PRDM16: variants seen among roughly 807,000 people sequenced by gnomAD.
The protein encoded by PRDM16 is histone-lysine N-methyltransferase PRDM16.
A neutral mutation model predicts 110.6 loss-of-function variants in PRDM16; 23 were observed. The observed-to-expected ratio is 0.21, with a 90% CI of 0.15 to 0.29. The LOEUF is 0.29. Ranked by LOEUF, PRDM16 falls within the 10% of genes least tolerant of loss-of-function variation. The pLI is 1.00. For synonymous variants in PRDM16, 799 were observed against 781.8 expected (o/e 1.02, Z -0.37); for missense variants, 1,615 against 1,794.3 (o/e 0.90, Z 1.81).
chr1:3,218,291 G>GA (rs765871711), intron 2 of PRDM16, among the ~76,000 whole-genome samples: 1 of 152,200 alleles, frequency 6.6e-6, no homozygotes, highest in African/African-American at 2.4e-5. Context: ...AAGACATCAA[G>GA]AAAAAACCCA....
intron 1 of PRDM16, among the ~76,000 whole-genome samples, chr1:3,111,836 G>C (rs1479958483): frequency 2.0e-5 from 3 of 152,224 alleles, no homozygotes; most frequent in Admixed American, 1.3e-4. Flanking sequence ...TCACTGGACA[G>C]CGCCACGATA....
intron 2 of PRDM16, among the ~76,000 whole-genome samples, chr1:3,202,189 T>C (rs1249472746): frequency 2.0e-5 from 3 of 152,156 alleles, no homozygotes; most frequent in Non-Finnish European, 4.4e-5. Context: ...ACTTTCATCA[T>C]CTTGGCATTA....
rs1261072967 is a variant in PRDM16, at chr1:3,180,935, CACACGCAGCCTT to C, written c.38-5185_38-5174del. ...ACACGCAGCCTTACACACGCAGCCACACACGCAGCCTTACACACGCAGTCTTACACACTCGGT... is the reference window on the plus strand; with the variant it reads ...ACACGCAGCCTTACACACGCAGCCACACACACGCAGTCTTACACACTCGGT... On this transcript the variant is annotated intron_variant, in intron 1 of 16. Coordinates refer to ENST00000270722, the MANE Select transcript of PRDM16 (RefSeq NM_022114.4). Among the ~76,000 whole-genome samples the C allele has an allele frequency of 9.8e-4, 142 of 145,226 alleles. 2 individuals are homozygous for C. The highest frequency in any genetic ancestry group is 3.6e-3 in the African/African-American group (136 of 37,982).
At chr1:3,187,030 C>G (rs918243037) in intron 2 of PRDM16, among the ~76,000 whole-genome samples, 1 of 152,238 alleles carries the variant, frequency 6.6e-6, no homozygotes, top group East Asian at 1.9e-4. Flanking sequence ...AATTTTCCCA[C>G]CACGACGTGA....
At position 3,094,737 on chromosome 1, in the gene PRDM16, C is replaced by T. The variant is rs1034582278; in HGVS notation, c.37+25441C>T. On this transcript the variant is annotated intron_variant, in intron 1 of 16. Transcript: ENST00000270722. ...GCCCAGCAAGCAGTGTCAGTGGCTGCGCCGTTCCTGCTTAAATGAGCAAGG... is the reference window on the plus strand; with the variant it reads ...GCCCAGCAAGCAGTGTCAGTGGCTGTGCCGTTCCTGCTTAAATGAGCAAGG... 7.2e-5 allele frequency among the ~76,000 whole-genome samples: 11 copies of T among 152,218 alleles called. No individual in the cohort carries two copies. In the East Asian group the frequency reaches 9.6e-4, roughly 13 times the overall value.
In PRDM16 at chr1:3,190,237, G is replaced by GGGGCAGCCTTACTTCAAGGTCA. The variant is rs1397571489; in HGVS notation, c.387+3763_387+3764insGGGCAGCCTTACTTCAAGGTCA. Among the ~76,000 whole-genome samples, 5 of 148,066 alleles carry GGGGCAGCCTTACTTCAAGGTCA rather than the reference G, an allele frequency of 3.4e-5. No individual in the cohort carries two copies. Among genetic ancestry groups the GGGGCAGCCTTACTTCAAGGTCA allele is most frequent in the Non-Finnish European group, 6.0e-5 (4 of 66,806 alleles). On this transcript the variant is annotated intron_variant, in intron 2 of 16. Transcript: ENST00000270722. This position sits in a 1 kb window ranked among gnomAD's most constrained non-coding sequence, Gnocchi z 5.0. ...CGTGGGGCAGCCTTACTTCAAGGTC[G>GGGGCAGCCTTACTTCAAGGTCA]TGGGGCAGCCTTACTTCAAGGTCGT...
At chr1:3,140,208 G>T (rs1184321646) in intron 1 of PRDM16, among the ~76,000 whole-genome samples, 1 of 152,236 alleles carries the variant, frequency 6.6e-6, no homozygotes, top group East Asian at 1.9e-4. Flanking sequence ...CCGTTGCCAC[G>T]CATTTTTGTT....
In PRDM16 at chr1:3,242,561, C is replaced by A. The variant is rs905617465; in HGVS notation, c.388-1526C>A. Among the ~76,000 whole-genome samples, 4 of 152,324 alleles carry A rather than the reference C, an allele frequency of 2.6e-5. No individual in the cohort carries two copies. The East Asian group carries it at 7.8e-4, about 30-fold the overall frequency. On this transcript the variant is annotated intron_variant, in intron 2 of 16. Transcript: ENST00000270722. The stretch of plus-strand genomic sequence containing the variant: ...ACGCCTCGGCCCCGCAGGCAGGTCA[C>A]ACCCTACTAAGGCTTTCTCCTCTTC...
At chr1:3,123,616 G>A (rs747865564) in intron 1 of PRDM16, among the ~76,000 whole-genome samples, 80 of 152,218 alleles carry the variant, frequency 5.3e-4, no homozygotes, top group Non-Finnish European at 1.0e-3. Flanking sequence ...GAACTGGGAG[G>A]GGGGGCAGCC....
rs372642262 is a variant in PRDM16, at chr1:3,201,421, G to A, written c.387+14947G>A. Among the ~76,000 whole-genome samples, 7 of 152,074 alleles carry A rather than the reference G, an allele frequency of 4.6e-5. No homozygotes were observed. Among genetic ancestry groups the A allele is most frequent in the Non-Finnish European group, 7.4e-5 (5 of 68,024 alleles). On this transcript the variant is annotated intron_variant, in intron 2 of 16. Coordinates refer to ENST00000270722, the MANE Select transcript of PRDM16 (RefSeq NM_022114.4). This position sits in a 1 kb window ranked among gnomAD's most constrained non-coding sequence, Gnocchi z 4.1. ...CTTCAAGTCCAGTAGCCCAAGCCAC[G>A]GGAGCCAGCCTCACCCTGGCCCCAC...
intron 2 of PRDM16, among the ~76,000 whole-genome samples, chr1:3,198,940 G>A (rs1417006539): frequency 6.6e-6 from 1 of 152,186 alleles, no homozygotes; most frequent in Admixed American, 6.5e-5. Context: ...CACGAGCAGA[G>A]CTAAGATTTC....
chr1:3,121,867 G>A (rs1643101706), intron 1 of PRDM16, among the ~76,000 whole-genome samples: 1 of 152,224 alleles, frequency 6.6e-6, no homozygotes, highest in Admixed American at 6.5e-5. Context: ...AGGAAGAAGG[G>A]CTGCAGCCCC....
intron 3 of PRDM16, among the ~76,000 whole-genome samples, chr1:3,373,408 C>A (rs937560966): frequency 6.6e-6 from 1 of 150,568 alleles, no homozygotes; most frequent in South Asian, 2.1e-4. Context: ...CTCCAGACAC[C>A]TCCTCGGGGA....
intron 1 of PRDM16, among the ~76,000 whole-genome samples, chr1:3,179,290 C>T (rs1569772273): frequency 6.6e-6 from 1 of 152,244 alleles, no homozygotes; most frequent in East Asian, 1.9e-4. Context: ...AGCGCTTGTG[C>T]CCCAGGGCAT....
Position 3,430,861 on chromosome 1 carries a change from C to A in PRDM16, c.3285-11C>A. ...CCCAAACTCAGTCAATCTCCTCCTG[C>A]ATCATTTCAGGGCGGACATGCAGAT... On this transcript the variant is annotated splice_polypyrimidine_tract_variant and intron_variant, in intron 14 of 16. Transcript: ENST00000270722. The A allele has an allele frequency of 6.2e-7, 1 of 1,613,468 alleles. No homozygotes were observed. The highest frequency in any genetic ancestry group is 8.5e-7 in the Non-Finnish European group (1 of 1,179,538).
At position 3,069,726 on chromosome 1, in the gene PRDM16, G is replaced by A. The variant is rs1195610827; in HGVS notation, c.37+430G>A. ...GCTCGCTCTCTCCCTCTCTCTCTCC[G>A]AGTGGCTCTCAGTCCTGGTCAAATC... On this transcript the variant is annotated intron_variant, in intron 1 of 16. Transcript: ENST00000270722. The surrounding 1 kb of genome is among the most constrained non-coding windows in gnomAD (Gnocchi z 6.1). Among the ~76,000 whole-genome samples the A allele has an allele frequency of 6.6e-6, 1 of 152,050 alleles. No homozygotes were observed. Among genetic ancestry groups the A allele is most frequent in the African/African-American group, 2.4e-5 (1 of 41,442 alleles).
chr1:3,238,630 C>T (rs778073143), intron 2 of PRDM16, among the ~76,000 whole-genome samples: 210 of 152,360 alleles, frequency 1.4e-3, no homozygotes, highest in Non-Finnish European at 2.1e-3. Flanking sequence ...CGACTAACCG[C>T]CTTTCACGGT....
At chr1:3,272,501 C>T (rs917671148) in intron 3 of PRDM16, among the ~76,000 whole-genome samples, 5 of 152,124 alleles carry the variant, frequency 3.3e-5, no homozygotes, top group African/African-American at 7.2e-5. Flanking sequence ...TCCGGGACCT[C>T]GGGGAGGCTC....
intron 1 of PRDM16, among the ~76,000 whole-genome samples, chr1:3,083,538 G>T (rs1190745512): frequency 6.7e-6 from 1 of 149,380 alleles, no homozygotes; most frequent in Non-Finnish European, 1.5e-5. Flanking sequence ...ACCAAGGAAT[G>T]TCACCAGCCT....
Sources: gnomAD v4.1 joint callset for allele counts (sites outside exome capture counted in the v4.1 genomes callset) on GRCh38, gnomAD v4.1.1 for gene constraint, Gnocchi (gnomAD v3.1) non-coding constraint, MANE v1.5 for transcripts, NCBI Gene and HGNC (gene_info 2026-07-23, HGNC 2026-07-21) for gene names.